ZNF609: variants seen among roughly 807,000 people sequenced by gnomAD.
The protein encoded by ZNF609 is zinc finger protein 609.
ZNF609 carries 11 observed loss-of-function variants against 109.5 expected under a neutral mutation model. The observed-to-expected ratio is 0.10, with a 90% CI of 0.06 to 0.17. The LOEUF is 0.17. Ranked by LOEUF, ZNF609 falls within the 10% of genes least tolerant of loss-of-function variation. The probability of loss-of-function intolerance (pLI) is 1.00; values close to 1 mark genes in which losing one functional copy is unlikely to be tolerated. For missense variants in ZNF609, 1,559 were observed against 1,772.4 expected (o/e 0.88, Z 2.16); for synonymous variants, 646 against 662.0 (o/e 0.98, Z 0.37).
intron 1 of ZNF609, among the ~76,000 whole-genome samples, chr15:64,461,275 G>A (rs1317347920): frequency 6.6e-6 from 1 of 151,650 alleles, no homozygotes; most frequent in African/African-American, 2.4e-5. Context: ...AGCAGGACGT[G>A]TGCGTGACCT....
chr15:64,622,142 A>G (rs1895885892), intron 2 of ZNF609, among the ~76,000 whole-genome samples: 1 of 152,168 alleles, frequency 6.6e-6, no homozygotes, highest in South Asian at 2.1e-4. Context: ...TGATGTTAGA[A>G]TTATATTCCA....
chr15:64,515,794 C>T (rs1352546889), intron 2 of ZNF609, among the ~76,000 whole-genome samples: 8 of 151,632 alleles, frequency 5.3e-5, no homozygotes, highest in Admixed American at 3.3e-4. Context: ...AAAAATTAGC[C>T]GGTCGTGGTG....
At position 64,646,939 on chromosome 15, in the gene ZNF609, C is replaced by CAAAAAAA. The variant is rs10628744; in HGVS notation, c.974-23390_974-23384dup. Reference sequence around the variant, plus strand: ...TGGATGACAGAGGGAGACTCTGTCTCAAAAAAAAAAAAAAAAAAAAAAATC... The same window carrying CAAAAAAA: ...TGGATGACAGAGGGAGACTCTGTCTCAAAAAAAAAAAAAAAAAAAAAAAAAAAAAATC... On this transcript the variant is annotated intron_variant, in intron 3 of 9. Transcript: ENST00000326648. 1.7e-4 allele frequency among the ~76,000 whole-genome samples: 10 copies of CAAAAAAA among 59,772 alleles called. 1 individual carries two copies. The highest frequency in any genetic ancestry group is 7.0e-4 in the African/African-American group (10 of 14,256). The allele number at this position is 59,772 out of a possible 152,430, so 39.2% of individuals were successfully genotyped here.
chr15:64,485,836 C>T (rs1003878390), intron 1 of ZNF609, among the ~76,000 whole-genome samples: 3 of 152,162 alleles, frequency 2.0e-5, no homozygotes, highest in South Asian at 2.1e-4. Context: ...CCTTTGTACC[C>T]TTGACCTAGT....
Position 64,678,150 on chromosome 15 carries a change from C to G in ZNF609, c.3437C>G (p.Pro1146Arg). The G allele has an allele frequency of 1.2e-5, 19 of 1,614,028 alleles. No individual in the cohort carries two copies. Among genetic ancestry groups the G allele is most frequent in the Non-Finnish European group, 1.6e-5 (19 of 1,179,986 alleles). ...AEPRMWTYVYPAKYSDIKSED... is the reference protein window; with the variant it reads ...AEPRMWTYVYRAKYSDIKSED... ...CCCCGGATGTGGACATATGTTTATC[C>G]TGCCAAGTACTCAGACATCAAGTCA... The change falls in exon 6 of 10, where the codon CCT becomes CGT. Residue 1146 changes from proline to arginine, a missense_variant. By Grantham distance (103) the Pro-to-Arg change is moderately radical. Around this residue, in one of 4 missense-constraint regions of ZNF609, gnomAD observed 1,204 missense variants for 1,314.1 expected, o/e 0.92. Transcript: ENST00000326648.
chr15:64,467,776 T>C (rs1488908629), intron 1 of ZNF609, among the ~76,000 whole-genome samples: 1 of 152,144 alleles, frequency 6.6e-6, no homozygotes, highest in Non-Finnish European at 1.5e-5. Context: ...ATCTGAGAGA[T>C]GGAGGTTGCA....
intron 2 of ZNF609, among the ~76,000 whole-genome samples, chr15:64,547,407 T>C (rs1894382915): frequency 6.6e-6 from 1 of 152,200 alleles, no homozygotes; most frequent in Non-Finnish European, 1.5e-5. Context: ...GATGACATAA[T>C]TGAAGTAAAC....
intron 2 of ZNF609, among the ~76,000 whole-genome samples, chr15:64,607,998 A>C (rs1231948775): frequency 7.4e-6 from 1 of 135,584 alleles, no homozygotes; most frequent in Non-Finnish European, 1.5e-5. Context: ...TCCTGGATTC[A>C]AGCAATTCTC....
intron 2 of ZNF609, among the ~76,000 whole-genome samples, chr15:64,596,387 C>T (rs760504772): frequency 1.3e-5 from 2 of 152,140 alleles, no homozygotes; most frequent in Non-Finnish European, 2.9e-5. Context: ...AACTCCTGAC[C>T]TTGTGATCTG....
At chr15:64,586,388 G>A (rs1407136427) in intron 2 of ZNF609, among the ~76,000 whole-genome samples, 1 of 151,976 alleles carries the variant, frequency 6.6e-6, no homozygotes, top group Non-Finnish European at 1.5e-5. Context: ...TTTCTACTGT[G>A]GCCTTGATAG....
chr15:64,681,506 C>A (rs2083208374), intron 9 of ZNF609, 119 bp downstream of exon 9: 3 of 791,554 alleles, frequency 3.8e-6, no homozygotes, highest in Non-Finnish European at 2.1e-6. Context: ...TCCATGGAAC[C>A]CTGGCCAAGC....
chr15:64,462,804 T>G (rs575857115), intron 1 of ZNF609, among the ~76,000 whole-genome samples: 139 of 152,326 alleles, frequency 9.1e-4, no homozygotes, highest in Non-Finnish European at 1.3e-3. Flanking sequence ...TCTGCCTCTG[T>G]ATTAAGAAAT....
rs557781228 is a variant in ZNF609, at chr15:64,580,120, A to G, written c.748-42707A>G. Reference sequence around the variant, plus strand: ...AAGAGGGCAAGAGAGTCAGAGTCAGAGAGAGATTTAAAAATGGTATACTAC... The same window carrying G: ...AAGAGGGCAAGAGAGTCAGAGTCAGGGAGAGATTTAAAAATGGTATACTAC... On this transcript the variant is annotated intron_variant, in intron 2 of 9. Coordinates refer to ENST00000326648, the MANE Select transcript of ZNF609 (RefSeq NM_015042.2). Among the ~76,000 whole-genome samples, 7 of 152,282 alleles carry G rather than the reference A, an allele frequency of 4.6e-5. No homozygotes were observed. In the East Asian group the frequency reaches 1.2e-3, roughly 25 times the overall value.
intron 2 of ZNF609, among the ~76,000 whole-genome samples, chr15:64,591,635 T>C (rs1464636506): frequency 3.9e-5 from 6 of 152,058 alleles, no homozygotes; most frequent in African/African-American, 1.5e-4. Flanking sequence ...TCCCAGCACT[T>C]TGGGAGGCTG....
At chr15:64,484,127 T>C (rs183916330) in intron 1 of ZNF609, among the ~76,000 whole-genome samples, 12 of 152,150 alleles carry the variant, frequency 7.9e-5, no homozygotes, top group African/African-American at 2.9e-4. Context: ...TGGAAGAGTT[T>C]AGTGACATTC....
intron 2 of ZNF609, among the ~76,000 whole-genome samples, chr15:64,524,901 A>G (rs1390525672): frequency 6.6e-6 from 1 of 152,198 alleles, no homozygotes; most frequent in East Asian, 1.9e-4. Context: ...ACTGTTTGCC[A>G]GAATGTAAAT....
chr15:64,515,933 C>T (rs1350879857), intron 2 of ZNF609, among the ~76,000 whole-genome samples: 3 of 143,176 alleles, frequency 2.1e-5, no homozygotes, highest in Admixed American at 6.9e-5. Context: ...GGCGAAACTC[C>T]GTCTCAAAAA....
intron 2 of ZNF609, among the ~76,000 whole-genome samples, chr15:64,576,087 G>T (rs935280134): frequency 4.6e-5 from 7 of 152,142 alleles, no homozygotes; most frequent in African/African-American, 1.7e-4. Flanking sequence ...GGGCGACAGA[G>T]CGAGACTCAG....
intron 2 of ZNF609, among the ~76,000 whole-genome samples, chr15:64,559,919 T>G (rs765243847): frequency 4.6e-5 from 7 of 152,186 alleles, no homozygotes; most frequent in Non-Finnish European, 8.8e-5. Flanking sequence ...CTGAGTTAAA[T>G]AGAAGTTAAA....
Sources: gnomAD v4.1 joint callset for allele counts (sites outside exome capture counted in the v4.1 genomes callset) on GRCh38, gnomAD v4.1.1 for gene constraint, gnomAD v4.1.1 regional missense constraint, MANE v1.5 for transcripts, NCBI Gene and HGNC (gene_info 2026-07-23, HGNC 2026-07-21) for gene names.